The following MAX variants were observed in gnomAD, a reference collection of about 807,000 sequenced individuals.
MAX encodes protein max.
MAX carries 3 observed loss-of-function variants against 22.3 expected under a neutral mutation model. The observed-to-expected ratio is 0.13, with a 90% CI of 0.06 to 0.35. The LOEUF is 0.35. Among genes scored for constraint, MAX ranks in the 10% least tolerant of loss-of-function variants. The probability of loss-of-function intolerance (pLI) is 1.00; values close to 1 mark genes in which losing one functional copy is unlikely to be tolerated. For synonymous variants in MAX, 72 were observed against 77.7 expected (o/e 0.93, Z 0.39); for missense variants, 119 against 209.4 (o/e 0.57, Z 2.66).
downstream of MAX, among the ~76,000 whole-genome samples, chr14:65,070,551 C>T (rs2062976729): frequency 6.6e-6 from 1 of 152,156 alleles, no homozygotes; most frequent in South Asian, 2.1e-4. This position sits in a 1 kb window ranked among gnomAD's most constrained non-coding sequence, Gnocchi z 4.4. Flanking sequence ...GGGACCTGCT[C>T]GGCTGGTTGT....
intron 3 of MAX, among the ~76,000 whole-genome samples, chr14:65,038,272 T>A (rs1347198095): frequency 2.0e-5 from 3 of 149,830 alleles, no homozygotes; most frequent in African/African-American, 7.4e-5. Flanking sequence ...TAGCCGGGTG[T>A]GGTGGTGGGT....
rs2063280580 is a variant in MAX at position 65,084,661 on chromosome 14, T to C, written c.172-6625A>G. Among the ~76,000 whole-genome samples the C allele has an allele frequency of 6.6e-6, 1 of 152,166 alleles. No homozygotes were observed. Among genetic ancestry groups the C allele is most frequent in the Non-Finnish European group, 1.5e-5 (1 of 68,034 alleles). On this transcript the variant is annotated intron_variant, in intron 3 of 4. Coordinates refer to ENST00000358664, the MANE Select transcript of MAX (RefSeq NM_002382.5). The surrounding 1 kb of genome is among the most constrained non-coding windows in gnomAD (Gnocchi z 4.3). ...AATTATAAATTTTAAATTTTAAAAA[T>C]TGAATGCAACCCCAATTGCCCAAAA... is the stretch of plus-strand genomic sequence containing the variant.
rs1405402308 is a variant in MAX, at chr14:65,028,490, A to G, written c.172-22206T>C. ...GAGAAATACATTTTGTGAGGTTTCT[A>G]TAGCAAAGCTGTCTTACTGCCTATG... On this transcript the variant is annotated intron_variant, in intron 3 of 3. Transcript: ENST00000341653. The surrounding 1 kb of genome is among the most constrained non-coding windows in gnomAD (Gnocchi z 4.4). 1.3e-5 allele frequency among the ~76,000 whole-genome samples: 2 copies of G among 152,210 alleles called. No individual in the cohort carries two copies. Among genetic ancestry groups the G allele is most frequent in the Admixed American group, 6.5e-5 (1 of 15,278 alleles).
chr14:65,042,188 TG>T, intron 3 of MAX, among the ~76,000 whole-genome samples: 1 of 151,572 alleles, frequency 6.6e-6, no homozygotes, highest in East Asian at 1.9e-4. Context: ...GACCTGGGGT[TG>T]GGGGTGGGAC....
chr14:65,061,050 C>A lies in MAX; in HGVS notation c.171+32658G>T. The A allele has an allele frequency of 2.8e-6, 4 of 1,442,794 alleles. 1 individual carries two copies. Among genetic ancestry groups the A allele is most frequent in the Non-Finnish European group, 3.7e-6 (4 of 1,077,384 alleles). 89.4% of individuals were successfully genotyped at this position (1,442,794 alleles called of 1,614,324 possible). A position where few individuals can be genotyped will look rare whatever the true frequency, so the allele number is the denominator to read the frequency against. Reference sequence around the variant, plus strand: ...TTTTAGCAAATACACCATTTTTGAACCTTTGGGCTTTGTGTGTATCTCTGA... The same window carrying A: ...TTTTAGCAAATACACCATTTTTGAAACTTTGGGCTTTGTGTGTATCTCTGA... On this transcript the variant is annotated intron_variant, in intron 3 of 3. Transcript: ENST00000341653.
At position 65,014,091 on chromosome 14, in the gene MAX, T is replaced by C. The variant is rs976599109; in HGVS notation, c.172-7807A>G. Among the ~76,000 whole-genome samples the C allele has an allele frequency of 1.3e-5, 2 of 152,194 alleles. No individual in the cohort carries two copies. Among genetic ancestry groups the C allele is most frequent in the Non-Finnish European group, 2.9e-5 (2 of 68,036 alleles). On this transcript the variant is annotated intron_variant, in intron 3 of 3. Transcript: ENST00000341653. This position sits in a 1 kb window ranked among gnomAD's most constrained non-coding sequence, Gnocchi z 5.1. ...TCAGCATAGTTTTGAAGAGAGCAGC[T>C]TGGGCCAACGGAAAGAACACTGGAT...
rs572824031 is a variant in MAX at position 65,082,869 on chromosome 14, G to C, written c.172-4833C>G. On this transcript the variant is annotated intron_variant, in intron 3 of 4. Transcript: ENST00000358664. The surrounding 1 kb of genome is among the most constrained non-coding windows in gnomAD (Gnocchi z 4.8). ...TTAAAGACAGGTGAGAACTAAACAG[G>C]CTTCTAGCAGAAACACATTGAAAGG... Among the ~76,000 whole-genome samples, 7 of 152,276 alleles carry C rather than the reference G, an allele frequency of 4.6e-5. No homozygotes were observed. The South Asian group carries it at 1.0e-3, about 23-fold the overall frequency.
At chr14:65,058,723 CTTCT>C (rs1422006100) in intron 3 of MAX, among the ~76,000 whole-genome samples, 2 of 151,794 alleles carry the variant, frequency 1.3e-5, no homozygotes, top group Admixed American at 6.6e-5. Context: ...TCTGATTTTT[CTTCT>C]TTAATATGAT....
chr14:65,024,782 A>G (rs745379016), intron 3 of MAX, among the ~76,000 whole-genome samples: 26 of 151,432 alleles, frequency 1.7e-4, no homozygotes, highest in South Asian at 6.3e-4. Context: ...CATTTGTGGG[A>G]AAAAAAAATA....
rs1172616640 is a variant in MAX at position 65,082,887 on chromosome 14, T to C, written c.172-4851A>G. On this transcript the variant is annotated intron_variant, in intron 3 of 4. Coordinates refer to ENST00000358664, the MANE Select transcript of MAX (RefSeq NM_002382.5). The surrounding 1 kb of genome is among the most constrained non-coding windows in gnomAD (Gnocchi z 4.8). ...TAAACAGGCTTCTAGCAGAAACACATTGAAAGGAAAAGCCTCAAGATGCAA... is the reference window on the plus strand; with the variant it reads ...TAAACAGGCTTCTAGCAGAAACACACTGAAAGGAAAAGCCTCAAGATGCAA... Among the ~76,000 whole-genome samples, 1 of 152,056 alleles carries C rather than the reference T, an allele frequency of 6.6e-6. No individual in the cohort carries two copies. The highest frequency in any genetic ancestry group is 2.4e-5 in the African/African-American group (1 of 41,406).
rs772912674 is a variant in MAX, at chr14:65,076,618, T to G, written c.341A>C (p.Asn114Thr). The change falls in exon 5 of 5, where the codon AAC becomes ACC. Residue 114 changes from asparagine (N) to threonine (T), a missense_variant. By Grantham distance (65) the Asn-to-Thr change is moderately conservative. Transcript: ENST00000358664. The surrounding 1 kb of genome is among the most constrained non-coding windows in gnomAD (Gnocchi z 6.6). ...GAGGCTGTTGTCTGAGGAGGGGTAGTTGGTCTGCAGTTGGGCACTTGACCT... is the reference window on the plus strand; with the variant it reads ...GAGGCTGTTGTCTGAGGAGGGGTAGGTGGTCTGCAGTTGGGCACTTGACCT... ...KARSSAQLQT[N>T]YPSSDNSLYT... is the part of the protein sequence containing the mutation. 154 of 1,613,924 alleles carry G rather than the reference T, an allele frequency of 9.5e-5. No homozygotes were observed. The highest frequency in any genetic ancestry group is 1.3e-4 in the Non-Finnish European group (150 of 1,179,974).
chr14:65,036,712 G>T (rs1468579622), intron 3 of MAX, among the ~76,000 whole-genome samples: 5 of 151,962 alleles, frequency 3.3e-5, no homozygotes, highest in African/African-American at 1.2e-4. Context: ...CTTTTTGTGT[G>T]TGATGGAGTC....
chr14:65,025,827 CA>C (rs1346800842), intron 3 of MAX, among the ~76,000 whole-genome samples: 1 of 152,096 alleles, frequency 6.6e-6, no homozygotes, highest in African/African-American at 2.4e-5. Context: ...AAATCAAAAA[CA>C]AAAACCATAG....
rs979406560 is a variant in MAX at position 65,028,306 on chromosome 14, C to T, written c.172-22022G>A. Among the ~76,000 whole-genome samples the T allele has an allele frequency of 1.3e-5, 2 of 152,072 alleles. No homozygotes were observed. The highest frequency in any genetic ancestry group is 2.9e-5 in the Non-Finnish European group (2 of 68,028). On this transcript the variant is annotated intron_variant, in intron 3 of 3. Coordinates refer to the MAX transcript ENST00000341653. The surrounding 1 kb of genome is among the most constrained non-coding windows in gnomAD (Gnocchi z 4.4). ...ATTAACTGATTGGTGCCAGTTAGCT[C>T]GAAATTATTATTTTCTTCCATAAGT...
intron 3 of MAX, among the ~76,000 whole-genome samples, chr14:65,042,307 T>C (rs1026528602): frequency 1.3e-5 from 2 of 152,198 alleles, no homozygotes; most frequent in African/African-American, 4.8e-5. Context: ...CTCACCATAA[T>C]GTAGAATCAG....
In MAX at chr14:65,075,987, G is replaced by A. The variant is rs1462540520; in HGVS notation, c.*489C>T. 3.9e-5 allele frequency: 42 copies of A among 1,082,540 alleles called. No individual in the cohort carries two copies. The highest frequency in any genetic ancestry group is 4.6e-5 in the Non-Finnish European group (41 of 889,964). The allele number at this position is 1,082,540 out of a possible 1,614,324, so 67.1% of individuals were successfully genotyped here. The stretch of plus-strand genomic sequence containing the variant: ...AAAAAAAAAAAACCCTTAAAAAGGA[G>A]GAGGGTTCATTCTGATTACTCCAAA... On this transcript the variant is annotated 3_prime_UTR_variant, in exon 5 of 5. Coordinates refer to ENST00000358664, the MANE Select transcript of MAX (RefSeq NM_002382.5). The surrounding 1 kb of genome is among the most constrained non-coding windows in gnomAD (Gnocchi z 4.1).
chr14:65,027,571 A>T lies in MAX; in HGVS notation c.172-21287T>A. The T allele has an allele frequency of 6.2e-7, 1 of 1,614,178 alleles. No homozygotes were observed. Among genetic ancestry groups the T allele is most frequent in the East Asian group, 2.2e-5 (1 of 44,886 alleles). ...AGTCAATGCATTGTGCATCATTGGC[A>T]CCGAGGAGGCCTATGACATCATTAA... is the stretch of plus-strand genomic sequence containing the variant. On this transcript the variant is annotated intron_variant, in intron 3 of 3. Coordinates refer to the MAX transcript ENST00000341653. This position sits in a 1 kb window ranked among gnomAD's most constrained non-coding sequence, Gnocchi z 5.7.
At position 65,027,051 on chromosome 14, in the gene MAX, T is replaced by G. The variant is rs936949537; in HGVS notation, c.172-20767A>C. Among the ~76,000 whole-genome samples the G allele has an allele frequency of 6.6e-6, 1 of 151,916 alleles. No homozygotes were observed. The highest frequency in any genetic ancestry group is 6.6e-5 in the Admixed American group (1 of 15,262). ...GTTGAGCACCATGTTTTGGCAAAAT[T>G]CAAAGGCTGGGAGGTTCCCAAAGGC... is the stretch of plus-strand genomic sequence containing the variant. On this transcript the variant is annotated intron_variant, in intron 3 of 3. Transcript: ENST00000341653. The surrounding 1 kb of genome is among the most constrained non-coding windows in gnomAD (Gnocchi z 5.7).
chr14:65,016,520 T>A (rs891922481), intron 3 of MAX: 1 of 152,250 alleles, frequency 6.6e-6, no homozygotes, highest in Non-Finnish European at 1.5e-5. Flanking sequence ...GAGAGACTTC[T>A]GAGCCAGGTT....
Sources: gnomAD v4.1 joint callset for allele counts (sites outside exome capture counted in the v4.1 genomes callset) on GRCh38, gnomAD v4.1.1 for gene constraint, Gnocchi (gnomAD v3.1) non-coding constraint, MANE v1.5 for transcripts, NCBI Gene and HGNC (gene_info 2026-07-23, HGNC 2026-07-21) for gene names.